Variants in OLA1 observed in about 807,000 individuals in gnomAD.
OLA1 encodes the protein obg-like ATPase 1.
In OLA1, 14 loss-of-function variants were observed where a neutral mutation model predicts 48.4. The ratio of observed to expected loss-of-function variants is 0.29; its 90% CI spans 0.19 to 0.45. The LOEUF (loss-of-function observed/expected upper bound fraction) is 0.45, where lower values mean the gene tolerates loss of function less well. Among genes scored for constraint, OLA1 ranks in the 20% least tolerant of loss-of-function variants. OLA1 has a pLI of 1.00. For missense variants in OLA1, 325 were observed against 467.1 expected (o/e 0.70, Z 2.80); for synonymous variants, 127 against 150.4 (o/e 0.84, Z 1.14).
chr2:174,110,507 C>T (rs1383795731), intron 7 of OLA1, among the ~76,000 whole-genome samples: 1 of 151,734 alleles, frequency 6.6e-6, no homozygotes, highest in Non-Finnish European at 1.5e-5. Context: ...TACACTGGCA[C>T]AATCAAAGCT....
At chr2:174,181,404 T>C (rs1188065820) in intron 4 of OLA1, among the ~76,000 whole-genome samples, 3 of 152,168 alleles carry the variant, frequency 2.0e-5, no homozygotes, top group Non-Finnish European at 4.4e-5. Flanking sequence ...TTGGTGTTTT[T>C]CTTTTATGTT....
At chr2:174,199,259 T>C (rs1399051327) in intron 4 of OLA1, among the ~76,000 whole-genome samples, 1 of 152,186 alleles carries the variant, frequency 6.6e-6, no homozygotes, top group Non-Finnish European at 1.5e-5. Flanking sequence ...AGCCATTTTC[T>C]TGTAAATTAT....
intron 5 of OLA1, among the ~76,000 whole-genome samples, chr2:174,126,383 A>G (rs968582742): frequency 6.6e-6 from 1 of 152,174 alleles, no homozygotes; most frequent in South Asian, 2.1e-4. Context: ...CTTAGGTTCC[A>G]TATTTCTTTA....
chr2:174,099,348 G>C (rs1173875868), intron 7 of OLA1, among the ~76,000 whole-genome samples: 1 of 152,048 alleles, frequency 6.6e-6, no homozygotes. Flanking sequence ...TAGACACAGG[G>C]CTTCACCATG....
At chr2:174,102,678 T>C (rs1476042369) in intron 7 of OLA1, among the ~76,000 whole-genome samples, 3 of 152,132 alleles carry the variant, frequency 2.0e-5, no homozygotes, top group African/African-American at 7.2e-5. Context: ...AAAACATATA[T>C]TGCTACACAG....
chr2:174,195,001 G>A (rs977067089), intron 4 of OLA1, among the ~76,000 whole-genome samples: 1 of 151,878 alleles, frequency 6.6e-6, no homozygotes, highest in Admixed American at 6.6e-5. Flanking sequence ...ATTCCAGATC[G>A]GAAGGGACCC....
chr2:174,205,010 C>G (rs1250177094), intron 4 of OLA1, among the ~76,000 whole-genome samples: 1 of 152,114 alleles, frequency 6.6e-6, no homozygotes, highest in Non-Finnish European at 1.5e-5. Context: ...CATTACAGCA[C>G]CATAAGTATA....
At chr2:174,166,079 C>T (rs1466697768) in intron 4 of OLA1, among the ~76,000 whole-genome samples, 2 of 150,172 alleles carry the variant, frequency 1.3e-5, no homozygotes, top group African/African-American at 2.5e-5. Context: ...GAGCAGAGAT[C>T]GTGCCACTGC....
At chr2:174,167,040 G>A (rs1687183840) in intron 4 of OLA1, among the ~76,000 whole-genome samples, 1 of 151,718 alleles carries the variant, frequency 6.6e-6, no homozygotes, top group South Asian at 2.1e-4. Flanking sequence ...CAACAATTAT[G>A]TCTTAAAGAA....
At chr2:174,233,193 A>C (rs147908557) in intron 2 of OLA1, among the ~76,000 whole-genome samples, 3 of 152,176 alleles carry the variant, frequency 2.0e-5, no homozygotes, top group Non-Finnish European at 4.4e-5. Flanking sequence ...AAAATCATGG[A>C]AACAGTAGAA....
rs1687073538 is a variant in OLA1, at chr2:174,163,716, ATATATATATATATATATATATATAT to A, written c.374-21741_374-21717del. 7.9e-3 allele frequency among the ~76,000 whole-genome samples: 143 copies of A among 17,988 alleles called. 9 individuals carry two copies. Among genetic ancestry groups the A allele is most frequent in the Middle Eastern group, 0.036 (1 of 28 alleles). 11.8% of individuals were successfully genotyped at this position (17,988 alleles called of 152,430 possible). On this transcript the variant is annotated intron_variant, in intron 4 of 10. Coordinates refer to ENST00000284719, the MANE Select transcript of OLA1 (RefSeq NM_013341.5). ...AAAAATAAAATAAATAAATAAATAT[ATATATATATATATATATATATATAT>A]ATATATATATATATATATATATATA... is the stretch of plus-strand genomic sequence containing the variant.
At chr2:174,095,337 TTTTTTTTTTTTTGTTG>T (rs892460825) in intron 7 of OLA1, among the ~76,000 whole-genome samples, 2 of 124,132 alleles carry the variant, frequency 1.6e-5, no homozygotes, top group African/African-American at 5.8e-5. Context: ...TTTTTTTTTT[TTTTTTTTTTTTTGTTG>T]TTGTTGTTGT....
chr2:174,152,967 T>C (rs769719160), intron 4 of OLA1, among the ~76,000 whole-genome samples: 1 of 152,198 alleles, frequency 6.6e-6, no homozygotes, highest in Non-Finnish European at 1.5e-5. Context: ...TCCCCTCTCC[T>C]CTTCCTTCCT....
intron 4 of OLA1, among the ~76,000 whole-genome samples, chr2:174,213,504 A>C (rs59134662): frequency 6.6e-6 from 1 of 151,886 alleles, no homozygotes; most frequent in Non-Finnish European, 1.5e-5. Context: ...GAAAAAAAAA[A>C]GGCTAAGGAT....
chr2:174,241,590 C>A (rs1206528521), intron 2 of OLA1, among the ~76,000 whole-genome samples: 3 of 152,230 alleles, frequency 2.0e-5, no homozygotes, highest in African/African-American at 7.2e-5. Flanking sequence ...ACACAGTATA[C>A]TAGTTGCCCA....
At chr2:174,077,567 T>C (rs997001882) in intron 10 of OLA1, among the ~76,000 whole-genome samples, 4 of 152,098 alleles carry the variant, frequency 2.6e-5, no homozygotes, top group African/African-American at 9.7e-5. Flanking sequence ...GAGTCAACCT[T>C]TTCTAATTTA....
intron 4 of OLA1, among the ~76,000 whole-genome samples, chr2:174,163,768 AT>A (rs1687087924): frequency 3.6e-5 from 1 of 28,036 alleles, no homozygotes; most frequent in South Asian, 1.9e-3. Flanking sequence ...ATATATATAT[AT>A]ATATATAAAT....
At chr2:174,224,959 C>T (rs1305464930) in intron 3 of OLA1, among the ~76,000 whole-genome samples, 2 of 152,168 alleles carry the variant, frequency 1.3e-5, no homozygotes, top group African/African-American at 4.8e-5. Flanking sequence ...ACAACTAAAA[C>T]CACTCATATG....
intron 4 of OLA1, among the ~76,000 whole-genome samples, chr2:174,201,575 A>C (rs1295579408): frequency 6.6e-6 from 1 of 152,094 alleles, no homozygotes; most frequent in Non-Finnish European, 1.5e-5. Context: ...CTGGACTTGA[A>C]CTTCTAGACT....
Sources: gnomAD v4.1 joint callset for allele counts (sites outside exome capture counted in the v4.1 genomes callset) on GRCh38, gnomAD v4.1.1 for gene constraint, MANE v1.5 for transcripts, NCBI Gene and HGNC (gene_info 2026-07-23, HGNC 2026-07-21) for gene names.